The following SYT1 variants were observed in gnomAD, a reference collection of about 807,000 sequenced individuals.
SYT1 encodes synaptotagmin 1.
SYT1 carries 8 observed loss-of-function variants against 44.8 expected under a neutral mutation model. That is an observed-to-expected ratio of 0.18 (90% CI 0.10 to 0.32). The LOEUF (loss-of-function observed/expected upper bound fraction) is 0.32. Ranked by LOEUF, SYT1 falls within the 10% of genes least tolerant of loss-of-function variation. The pLI is 1.00. For missense variants in SYT1, 286 were observed against 509.3 expected, an observed-to-expected ratio of 0.56 and a Z score of 4.22; for synonymous variants, 154 against 188.8, an observed-to-expected ratio of 0.82 and a Z score of 1.51.
intron 9 of SYT1, among the ~76,000 whole-genome samples, chr12:79,389,536 A>T (rs1386541057): frequency 6.6e-6 from 1 of 152,192 alleles, no homozygotes; most frequent in East Asian, 1.9e-4. Flanking sequence ...TGTAATTAAT[A>T]TTATTTTACA....
chr12:79,280,487 T>C (rs369181293), intron 4 of SYT1, among the ~76,000 whole-genome samples: 30 of 130,380 alleles, frequency 2.3e-4, no homozygotes, highest in African/African-American at 8.2e-4. Context: ...TCTGACCATA[T>C]ACAAAAAAAA....
At chr12:79,269,049 A>T (rs1421506298) in intron 4 of SYT1, among the ~76,000 whole-genome samples, 2 of 151,414 alleles carry the variant, frequency 1.3e-5, no homozygotes, top group African/African-American at 4.9e-5. Context: ...TCCTCCATGA[A>T]GTCGTTTTTG....
chr12:79,367,053 G>A (rs1883579541), intron 9 of SYT1, among the ~76,000 whole-genome samples: 1 of 151,978 alleles, frequency 6.6e-6, no homozygotes, highest in Non-Finnish European at 1.5e-5. Flanking sequence ...CCTGTAACTT[G>A]TGGCCACAAG....
intron 3 of SYT1, among the ~76,000 whole-genome samples, chr12:79,179,251 TATAG>T (rs1490791071): frequency 1.8e-5 from 2 of 108,498 alleles, no homozygotes; most frequent in African/African-American, 7.2e-5. Context: ...TAGATATAGA[TATAG>T]ATATAGATAT....
chr12:79,130,980 G>A (rs1868776483), intron 3 of SYT1, among the ~76,000 whole-genome samples: 1 of 152,132 alleles, frequency 6.6e-6, no homozygotes, highest in South Asian at 2.1e-4. Flanking sequence ...GGATTTGGAA[G>A]TAAATTGTAA....
At chr12:79,266,535 C>T (rs1878137849) in intron 4 of SYT1, among the ~76,000 whole-genome samples, 1 of 151,974 alleles carries the variant, frequency 6.6e-6, no homozygotes. Flanking sequence ...AAACTCTAAA[C>T]AGAAGAGGCA....
chr12:79,316,908 G>T (rs1415830061), intron 8 of SYT1, among the ~76,000 whole-genome samples: 1 of 152,136 alleles, frequency 6.6e-6, no homozygotes, highest in African/African-American at 2.4e-5. Flanking sequence ...AATGAGCATA[G>T]AACTCGGAGT....
rs59721146 is a variant in SYT1 at position 79,445,990 on chromosome 12, C to CATATATATAT, written c.1062+1819_1062+1828dup. Among the ~76,000 whole-genome samples, 355 of 44,130 alleles carry CATATATATAT rather than the reference C, an allele frequency of 8.0e-3. 6 individuals are homozygous for CATATATATAT. Among genetic ancestry groups the CATATATATAT allele is most frequent in the Middle Eastern group, 0.026 (1 of 38 alleles). 29.0% of individuals were successfully genotyped at this position (44,130 alleles called of 152,430 possible). On this transcript the variant is annotated intron_variant, in intron 10 of 10. Coordinates refer to ENST00000261205, the MANE Select transcript of SYT1 (RefSeq NM_005639.3). ...CTTCATGGAAACATTAATCCAAAGA[C>CATATATATAT]ATATATATATATATATATATATATA...
At chr12:79,107,329 T>C (rs1205012099) in intron 3 of SYT1, among the ~76,000 whole-genome samples, 2 of 151,990 alleles carry the variant, frequency 1.3e-5, no homozygotes, top group Non-Finnish European at 2.9e-5. Flanking sequence ...TGGTTATCTA[T>C]TATTGTTCCT....
At chr12:79,173,589 T>G (rs1871683746) in intron 3 of SYT1, among the ~76,000 whole-genome samples, 1 of 152,078 alleles carries the variant, frequency 6.6e-6, no homozygotes, top group Admixed American at 6.6e-5. Flanking sequence ...AGAAGAAAGA[T>G]TCCAGATGGT....
At chr12:79,088,780 ATG>A (rs1279062117) in intron 3 of SYT1, among the ~76,000 whole-genome samples, 2 of 92,622 alleles carry the variant, frequency 2.2e-5, no homozygotes, top group African/African-American at 3.9e-5. Flanking sequence ...GTGTGTGTGT[ATG>A]TGTGTGTGTG....
chr12:79,176,277 G>A lies in SYT1; in HGVS notation c.-17-41226G>A, dbSNP rs1871860192. On this transcript the variant is annotated intron_variant, in intron 3 of 10. Coordinates refer to ENST00000261205, the MANE Select transcript of SYT1 (RefSeq NM_005639.3). ...TCACTCCAGCCTGGGCAACAAGAGC[G>A]AAATTCTGTCTCAAAAAAAAAAAAA... Among the ~76,000 whole-genome samples, 4 of 120,704 alleles carry A rather than the reference G, an allele frequency of 3.3e-5. No homozygotes were observed. In the South Asian group the frequency reaches 1.0e-3, roughly 30 times the overall value. The allele number at this position is 120,704 out of a possible 152,430, so 79.2% of individuals were successfully genotyped here. A position where few individuals can be genotyped will look rare whatever the true frequency, so the allele number is the denominator to read the frequency against.
At chr12:79,313,750 G>A (rs1445954443) in intron 8 of SYT1, among the ~76,000 whole-genome samples, 2 of 152,066 alleles carry the variant, frequency 1.3e-5, no homozygotes, top group African/African-American at 2.4e-5. Flanking sequence ...CCTTCGGCTT[G>A]TTGCTTAATC....
chr12:78,902,693 A>C (rs1463530590), intron 1 of SYT1, among the ~76,000 whole-genome samples: 1 of 152,170 alleles, frequency 6.6e-6, no homozygotes, highest in Admixed American at 6.6e-5. Context: ...AATCAAATTA[A>C]ACATAAGAAA....
intron 9 of SYT1, among the ~76,000 whole-genome samples, chr12:79,430,175 G>A (rs1869694649): frequency 6.6e-6 from 1 of 152,116 alleles, no homozygotes; most frequent in South Asian, 2.1e-4. Context: ...TTAACAAAAC[G>A]TTAGTTCTCT....
At chr12:79,397,318 C>T (rs1458040807) in intron 9 of SYT1, among the ~76,000 whole-genome samples, 1 of 152,212 alleles carries the variant, frequency 6.6e-6, no homozygotes, top group African/African-American at 2.4e-5. Flanking sequence ...CAGTCTCGAT[C>T]TCCTGGGCTT....
intron 3 of SYT1, among the ~76,000 whole-genome samples, chr12:79,177,046 T>TTA (rs1555204448): frequency 9.3e-4 from 8 of 8,616 alleles, no homozygotes; most frequent in East Asian, 8.8e-3. Flanking sequence ...TTTTTTTTTT[T>TTA]ATGTTTTTTT....
chr12:78,977,368 TGCCAGA>T (rs912822532), intron 1 of SYT1, among the ~76,000 whole-genome samples: 3 of 152,180 alleles, frequency 2.0e-5, no homozygotes, highest in African/African-American at 7.2e-5. Flanking sequence ...AGGAGAACAT[TGCCAGA>T]AAAGGATAGC....
chr12:79,108,616 A>G (rs552632185), intron 3 of SYT1, among the ~76,000 whole-genome samples: 137 of 152,272 alleles, frequency 9.0e-4, no homozygotes, highest in African/African-American at 3.2e-3. Flanking sequence ...ATGCATTTTT[A>G]CTTTCCTTCT....
Sources: gnomAD v4.1 joint callset for allele counts (sites outside exome capture counted in the v4.1 genomes callset) on GRCh38, gnomAD v4.1.1 for gene constraint, MANE v1.5 for transcripts, NCBI Gene and HGNC (gene_info 2026-07-23, HGNC 2026-07-21) for gene names.